Variants in KCNK2 observed in about 807,000 individuals in gnomAD.
KCNK2 encodes the protein potassium channel subfamily K member 2.
In KCNK2, 21 loss-of-function variants were observed where a neutral mutation model predicts 40.5. The ratio of observed to expected loss-of-function variants is 0.52; its 90% CI spans 0.37 to 0.75. The LOEUF (loss-of-function observed/expected upper bound fraction) is 0.75. Among genes scored for constraint, KCNK2 ranks in the 30% least tolerant of loss-of-function variants. The pLI is 0.00. For missense variants in KCNK2, 399 were observed against 531.6 expected (o/e 0.75, Z 2.45); for synonymous variants, 191 against 202.2 (o/e 0.94, Z 0.47).
At chr1:215,096,639 G>A (rs778114632) in intron 2 of KCNK2, among the ~76,000 whole-genome samples, 9 of 151,986 alleles carry the variant, frequency 5.9e-5, no homozygotes, top group Non-Finnish European at 1.2e-4. Flanking sequence ...CACAGTGGCT[G>A]TTTGTGGTAA....
At chr1:215,198,465 A>C (rs986086178) in intron 6 of KCNK2, among the ~76,000 whole-genome samples, 1 of 152,246 alleles carries the variant, frequency 6.6e-6, no homozygotes, top group Non-Finnish European at 1.5e-5. Context: ...ATCATGGCCA[A>C]AGTTTTTATA....
At chr1:215,093,816 ATT>A in intron 2 of KCNK2, among the ~76,000 whole-genome samples, 2 of 27,310 alleles carry the variant, frequency 7.3e-5, no homozygotes, top group East Asian at 1.4e-3. Context: ...TATATTATAT[ATT>A]ATATATTATA....
At chr1:215,161,155 A>C (rs1036226930) in intron 3 of KCNK2, among the ~76,000 whole-genome samples, 1 of 152,196 alleles carries the variant, frequency 6.6e-6, no homozygotes, top group African/African-American at 2.4e-5. Flanking sequence ...CAGTCAGCCT[A>C]CATGATAGAG....
upstream of KCNK2, among the ~76,000 whole-genome samples, chr1:215,082,383 C>T (rs568261540): frequency 6.6e-6 from 1 of 152,270 alleles, no homozygotes; most frequent in Admixed American, 6.5e-5. Context: ...CGCCCTAGTG[C>T]AGGGGTCCAA....
At position 215,045,843 on chromosome 1, in the gene KCNK2, C is replaced by G. The variant is rs369839173; in HGVS notation, c.34+39888C>G. On this transcript the variant is annotated intron_variant, in intron 1 of 6. Coordinates refer to the KCNK2 transcript ENST00000391895. ...CAAATGTGTGACTTCTGTAAAAGTG[C>G]TGATGTGTGTTTTATGAATGTGTCC... Among the ~76,000 whole-genome samples the G allele has an allele frequency of 3.9e-5, 6 of 152,294 alleles. 1 individual carries two copies. In the South Asian group the frequency reaches 1.2e-3, roughly 32 times the overall value.
At chr1:215,209,453 T>TATAA (rs1665504544) in intron 6 of KCNK2, among the ~76,000 whole-genome samples, 13 of 11,900 alleles carry the variant, frequency 1.1e-3, no homozygotes, top group Admixed American at 5.1e-3. Context: ...ATAATATATA[T>TATAA]TATATATTAT....
At chr1:215,174,357 T>C (rs1044547062) in intron 5 of KCNK2, among the ~76,000 whole-genome samples, 1 of 152,220 alleles carries the variant, frequency 6.6e-6, no homozygotes, top group African/African-American at 2.4e-5. Flanking sequence ...AGTACCATGC[T>C]GTTTTGGTTA....
intron 1 of KCNK2, among the ~76,000 whole-genome samples, chr1:215,055,478 G>A (rs1658127171): frequency 6.6e-6 from 1 of 152,170 alleles, no homozygotes; most frequent in African/African-American, 2.4e-5. Flanking sequence ...TACATTCTCA[G>A]GAGCTCATGT....
chr1:215,028,244 G>A (rs935959220), intron 1 of KCNK2, among the ~76,000 whole-genome samples: 7 of 151,968 alleles, frequency 4.6e-5, no homozygotes, highest in African/African-American at 1.7e-4. Context: ...AAAATCAGCC[G>A]AGCGTGGTGG....
chr1:215,056,837 C>T (rs1217539076), intron 1 of KCNK2, among the ~76,000 whole-genome samples: 1 of 152,114 alleles, frequency 6.6e-6, no homozygotes, highest in East Asian at 1.9e-4. Context: ...ACATTCAAAT[C>T]CTGCTTACTA....
chr1:215,235,454 A>C lies in KCNK2; in HGVS notation c.*309A>C. The C allele has an allele frequency of 3.7e-6, 1 of 271,184 alleles. No individual in the cohort carries two copies. Among genetic ancestry groups the C allele is most frequent in the South Asian group, 9.4e-5 (1 of 10,598 alleles). 16.8% of individuals were successfully genotyped at this position (271,184 alleles called of 1,614,324 possible). The stretch of plus-strand genomic sequence containing the variant: ...GTGCCATAAGGCCTCAGAATGAATG[A>C]GAATTGTTTCTGGTAACAATGTAGC... On this transcript the variant is annotated 3_prime_UTR_variant, in exon 7 of 7. Transcript: ENST00000444842.
intron 1 of KCNK2, among the ~76,000 whole-genome samples, chr1:215,073,114 C>A (rs1658812447): frequency 6.6e-6 from 1 of 152,094 alleles, no homozygotes. Flanking sequence ...GGCCATGAGA[C>A]TGGAGCGCTG....
At chr1:215,118,659 A>G (rs1661051831) in intron 2 of KCNK2, among the ~76,000 whole-genome samples, 1 of 152,162 alleles carries the variant, frequency 6.6e-6, no homozygotes, top group Non-Finnish European at 1.5e-5. Context: ...ATGTCAGTAT[A>G]ATTATAAGTG....
intron 2 of KCNK2, among the ~76,000 whole-genome samples, chr1:215,092,847 A>G (rs1265094846): frequency 6.6e-6 from 1 of 152,142 alleles, no homozygotes; most frequent in Non-Finnish European, 1.5e-5. Flanking sequence ...AACTCCTCAG[A>G]CCATGGCTAT....
At chr1:215,216,228 T>C (rs557591672) in intron 6 of KCNK2, among the ~76,000 whole-genome samples, 2 of 151,658 alleles carry the variant, frequency 1.3e-5, no homozygotes, top group Admixed American at 1.3e-4. Context: ...TTTCTGAACT[T>C]TTTTTTTACA....
intron 3 of KCNK2, among the ~76,000 whole-genome samples, chr1:215,155,958 A>G (rs1662900245): frequency 6.6e-6 from 1 of 152,148 alleles, no homozygotes; most frequent in South Asian, 2.1e-4. Context: ...TTGATTGTCA[A>G]TTATCCATTA....
chr1:215,090,790 T>C (rs1659661077), intron 2 of KCNK2, among the ~76,000 whole-genome samples: 1 of 152,210 alleles, frequency 6.6e-6, no homozygotes. Flanking sequence ...TCTATCTGTT[T>C]TGTGGTGAAG....
intron 1 of KCNK2, among the ~76,000 whole-genome samples, chr1:215,010,531 G>A (rs1455519499): frequency 1.3e-5 from 2 of 152,158 alleles, no homozygotes; most frequent in Non-Finnish European, 2.9e-5. Context: ...GAGAGAAACA[G>A]ACTCTAAGGT....
intron 5 of KCNK2, among the ~76,000 whole-genome samples, chr1:215,192,688 A>T (rs1411808341): frequency 6.6e-6 from 1 of 152,178 alleles, no homozygotes; most frequent in Non-Finnish European, 1.5e-5. Context: ...CATATTTCTT[A>T]AGTCAGTTCT....
Sources: allele counts gnomAD v4.1 joint callset (sites outside exome capture counted in the v4.1 genomes callset), GRCh38; gene constraint gnomAD v4.1.1; transcripts MANE v1.5; gene names NCBI Gene and HGNC (gene_info 2026-07-23, HGNC 2026-07-21).